The following ACTN2 variants were observed in gnomAD, a reference collection of about 807,000 sequenced individuals.
ACTN2 encodes actinin alpha 2, also known as alpha-actinin-2.
ACTN2 carries 39 observed loss-of-function variants against 113.8 expected under a neutral mutation model. That is an observed-to-expected ratio of 0.34 (90% CI 0.27 to 0.45). The LOEUF is 0.45. ACTN2 is among the 20% of genes least tolerant of loss of function. ACTN2 has a pLI of 1.00. For synonymous variants in ACTN2, 429 were observed against 444.1 expected (o/e 0.97, Z 0.43); for missense variants, 992 against 1,177.9 (o/e 0.84, Z 2.31).
At chr1:236,715,386 A>G (rs78060087) in intron 1 of ACTN2, among the ~76,000 whole-genome samples, 4,293 of 148,202 alleles carry the variant, frequency 0.029, 192 homozygotes, top group African/African-American at 0.1. Flanking sequence ...CATAAAATTA[A>G]TATGTTAAAA....
chr1:236,691,433 A>C (rs1018740260), intron 1 of ACTN2, among the ~76,000 whole-genome samples: 1 of 151,978 alleles, frequency 6.6e-6, no homozygotes, highest in African/African-American at 2.4e-5. Context: ...GCTTGAGCCC[A>C]GGAGTTTGAG....
intron 12 of ACTN2, among the ~76,000 whole-genome samples, chr1:236,747,067 G>A (rs1374458301): frequency 6.6e-6 from 1 of 152,148 alleles, no homozygotes. Flanking sequence ...TGTCCTCCAG[G>A]TCAGAGAGTG....
At chr1:236,718,760 A>G in intron 2 of ACTN2, 134 bp from the exon 3 acceptor site, 1 of 1,251,666 alleles carries the variant, frequency 8.0e-7, no homozygotes, top group Non-Finnish European at 1.1e-6. Context: ...ATTTAGAGAG[A>G]CCAGGCACAC....
Position 236,755,064 on chromosome 1 carries a change from C to A in ACTN2, c.2020C>A (p.Gln674Lys), listed in dbSNP as rs755479368. ...CCAGATCACAGGAGCCCTGGAAGAC[C>A]AGATGAACCAGCTGAAGCAGTATGA... is the stretch of plus-strand genomic sequence containing the variant. Reference protein sequence around the residue: ...SIQITGALEDQMNQLKQYEHN... With the variant: ...SIQITGALEDKMNQLKQYEHN... The change falls in exon 17 of 21, where the codon CAG becomes AAG. Residue 674 changes from glutamine to lysine, a missense_variant. By Grantham distance (53) the Gln-to-Lys change is moderately conservative. This residue lies in a region of ACTN2 where 736 missense variants were observed against 815.4 expected (regional missense o/e 0.90). Transcript: ENST00000366578. The A allele has an allele frequency of 6.2e-7, 1 of 1,614,228 alleles. No individual in the cohort carries two copies. Among genetic ancestry groups the A allele is most frequent in the South Asian group, 1.1e-5 (1 of 91,090 alleles).
chr1:236,755,218 G>T lies in ACTN2; in HGVS notation c.2154+20G>T. ...ATGGAGGTACGGCAGCCAGACAGGC[G>T]TGTGCCGCTCACTTCTCACGGGGAC... On this transcript the variant is annotated intron_variant, in intron 17 of 20. Transcript: ENST00000366578. The T allele has an allele frequency of 6.2e-7, 1 of 1,613,958 alleles. No individual in the cohort carries two copies. Among genetic ancestry groups the T allele is most frequent in the Non-Finnish European group, 8.5e-7 (1 of 1,180,018 alleles).
At chr1:236,759,426 T>G (rs987605449) in intron 18 of ACTN2, among the ~76,000 whole-genome samples, 5 of 152,216 alleles carry the variant, frequency 3.3e-5, no homozygotes, top group Non-Finnish European at 5.9e-5. Context: ...TGAATGATTC[T>G]TTGTCAGTAG....
At position 236,762,989 on chromosome 1, in the gene ACTN2, A is replaced by G. The variant is rs905299403; in HGVS notation, c.*370A>G. The stretch of plus-strand genomic sequence containing the variant: ...ATACCCAAGATTTAAGACCGGGGGG[A>G]AAAAACCACAAATTGGTAAATAAAG... On this transcript the variant is annotated 3_prime_UTR_variant, in exon 21 of 21. Coordinates refer to ENST00000366578, the MANE Select transcript of ACTN2 (RefSeq NM_001103.4). 17 of 321,788 alleles carry G rather than the reference A, an allele frequency of 5.3e-5. 1 individual carries two copies. The highest frequency in any genetic ancestry group is 6.6e-5 in the Non-Finnish European group (11 of 166,662). The allele number at this position is 321,788 out of a possible 1,614,324, so 19.9% of individuals were successfully genotyped here.
Position 236,737,108 on chromosome 1 carries a change from A to G in ACTN2, c.784-14A>G. ...GTCGACAGAGCCGTCCTGTTTACCT[A>G]TTGTGTTTTACAGGCCGAGACAGCG... On this transcript the variant is annotated splice_polypyrimidine_tract_variant and intron_variant, in intron 8 of 20. Transcript: ENST00000366578. 2 of 1,590,200 alleles carry G rather than the reference A, an allele frequency of 1.3e-6. No individual in the cohort carries two copies. The highest frequency in any genetic ancestry group is 1.7e-6 in the Non-Finnish European group (2 of 1,164,034).
intron 8 of ACTN2, chr1:236,736,626 A>T (rs1658885358): frequency 5.2e-6 from 8 of 1,535,402 alleles, no homozygotes; most frequent in African/African-American, 1.4e-5. Context: ...CTACATGTTC[A>T]TATCAGGAGA....
At chr1:236,759,537 T>C (rs760707089) in intron 18 of ACTN2, among the ~76,000 whole-genome samples, 187 bp from the exon 19 acceptor site, 3 of 152,220 alleles carry the variant, frequency 2.0e-5, no homozygotes, top group African/African-American at 4.8e-5. Context: ...CCCCTCTTTT[T>C]CATTTTTAAG....
chr1:236,718,863 A>C, intron 2 of ACTN2, 31 bp from the exon 3 acceptor site: 1 of 1,614,106 alleles, frequency 6.2e-7, no homozygotes, highest in South Asian at 1.1e-5. Flanking sequence ...CACTGTCTCT[A>C]TGTCTGCATG....
In ACTN2 at chr1:236,761,308, G is replaced by A. The variant is rs1572152258; in HGVS notation, c.2526+135G>A. Reference sequence around the variant, plus strand: ...TACAACATTGGCACTGATTTCAGAAGGCAGCAGATAGACACACAACAATGG... The same window carrying A: ...TACAACATTGGCACTGATTTCAGAAAGCAGCAGATAGACACACAACAATGG... On this transcript the variant is annotated intron_variant, in intron 20 of 20. Coordinates refer to ENST00000366578, the MANE Select transcript of ACTN2 (RefSeq NM_001103.4). 4.7e-6 allele frequency: 5 copies of A among 1,059,562 alleles called. No homozygotes were observed. In the Admixed American group the frequency reaches 6.0e-5, roughly 13 times the overall value. The allele number at this position is 1,059,562 out of a possible 1,614,324, so 65.6% of individuals were successfully genotyped here.
chr1:236,712,818 A>T (rs996321035), intron 1 of ACTN2, among the ~76,000 whole-genome samples: 1 of 152,190 alleles, frequency 6.6e-6, no homozygotes, highest in Admixed American at 6.5e-5. Context: ...CAGACAAAGT[A>T]TGATGACTTT....
chr1:236,749,976 T>C (rs1246580231), intron 14 of ACTN2, among the ~76,000 whole-genome samples: 1 of 152,208 alleles, frequency 6.6e-6, no homozygotes, highest in Non-Finnish European at 1.5e-5. Context: ...TACAGAGTTT[T>C]TTGCCAGATT....
chr1:236,715,742 A>T (rs757591877), intron 1 of ACTN2, among the ~76,000 whole-genome samples: 1 of 152,168 alleles, frequency 6.6e-6, no homozygotes, highest in Admixed American at 6.5e-5. Context: ...GATCACCTGA[A>T]GTCAGGAGTT....
chr1:236,698,390 G>T (rs1188305574), intron 1 of ACTN2, among the ~76,000 whole-genome samples: 5 of 152,148 alleles, frequency 3.3e-5, no homozygotes, highest in African/African-American at 1.2e-4. Flanking sequence ...GAACAGTCAT[G>T]AAAATCGTAA....
Position 236,762,650 on chromosome 1 carries a change from A to G in ACTN2, c.*31A>G. On this transcript the variant is annotated 3_prime_UTR_variant, in exon 21 of 21. Transcript: ENST00000366578. ...AGCTTCTGTAATCACTCATCCCATC[A>G]GAATGCAATAAAAGCGGAAGTCACA... The G allele has an allele frequency of 6.2e-7, 1 of 1,610,434 alleles. No homozygotes were observed. The highest frequency in any genetic ancestry group is 2.2e-5 in the East Asian group (1 of 44,804).
chr1:236,744,179 CAG>C (rs1210354534), intron 11 of ACTN2, among the ~76,000 whole-genome samples: 1 of 152,114 alleles, frequency 6.6e-6, no homozygotes, highest in Non-Finnish European at 1.5e-5. Flanking sequence ...TTTAAGCACA[CAG>C]AGTATAGCTT....
intron 3 of ACTN2, among the ~76,000 whole-genome samples, chr1:236,719,550 A>G (rs1658321824): frequency 6.6e-6 from 1 of 152,170 alleles, no homozygotes; most frequent in South Asian, 2.1e-4. Context: ...GCACTTTGAG[A>G]GGCTGAGGCG....
Sources: gnomAD v4.1 joint callset for allele counts (sites outside exome capture counted in the v4.1 genomes callset) on GRCh38, gnomAD v4.1.1 for gene constraint, gnomAD v4.1.1 regional missense constraint, MANE v1.5 for transcripts, NCBI Gene and HGNC (gene_info 2026-07-23, HGNC 2026-07-21) for gene names.